LASP1: variants seen among roughly 807,000 people sequenced by gnomAD.
The protein encoded by LASP1 is LIM and SH3 domain protein 1.
Under a neutral mutation model 38.6 loss-of-function variants are expected in LASP1, and 10 were observed. The observed-to-expected ratio is 0.26, with a 90% CI of 0.16 to 0.44. LASP1 has a LOEUF of 0.44. Ranked by LOEUF, LASP1 falls within the 20% of genes least tolerant of loss-of-function variation. The pLI is 1.00. For synonymous variants in LASP1, 132 were observed against 140.8 expected, an observed-to-expected ratio of 0.94 and a Z score of 0.44; for missense variants, 243 against 375.7, an observed-to-expected ratio of 0.65 and a Z score of 2.92.
rs77493768 is a variant in LASP1 at position 38,919,902 on chromosome 17, G to A, written c.*1124G>A. ...TGTGAGTGTGAGAGATGGGGCGGGGGTGTGTCTGTAGGTGTCTCTGGGCCT... is the reference window on the plus strand; with the variant it reads ...TGTGAGTGTGAGAGATGGGGCGGGGATGTGTCTGTAGGTGTCTCTGGGCCT... On this transcript the variant is annotated 3_prime_UTR_variant, in exon 7 of 7. Transcript: ENST00000318008. 1 of 509,318 alleles carries A rather than the reference G, an allele frequency of 2.0e-6. No homozygotes were observed. The highest frequency in any genetic ancestry group is 1.9e-5 in the African/African-American group (1 of 53,526). 31.5% of individuals were successfully genotyped at this position (509,318 alleles called of 1,614,324 possible).
At chr17:38,901,023 G>A (rs559077548) in intron 4 of LASP1, among the ~76,000 whole-genome samples, 4 of 152,374 alleles carry the variant, frequency 2.6e-5, no homozygotes, top group Non-Finnish European at 5.9e-5. Flanking sequence ...ATGGTTCACA[G>A]AACTGGAATG....
intron 3 of LASP1, among the ~76,000 whole-genome samples, chr17:38,894,193 G>A (rs1409280207): frequency 6.6e-6 from 1 of 152,174 alleles, no homozygotes; most frequent in Non-Finnish European, 1.5e-5. Flanking sequence ...CCCAGGCTGA[G>A]CAGAGGCAGT....
chr17:38,905,541 A>AG, intron 4 of LASP1, among the ~76,000 whole-genome samples: 1 of 151,644 alleles, frequency 6.6e-6, no homozygotes, highest in East Asian at 1.9e-4. Flanking sequence ...AAAAAAAAAA[A>AG]AAAAAAAAAG....
intron 4 of LASP1, among the ~76,000 whole-genome samples, chr17:38,908,396 C>T (rs1015638148): frequency 6.6e-5 from 10 of 152,218 alleles, no homozygotes; most frequent in Non-Finnish European, 2.9e-5. Context: ...GTGCCCTCCC[C>T]GCCACCAACA....
intron 3 of LASP1, among the ~76,000 whole-genome samples, chr17:38,893,658 A>C: frequency 6.6e-6 from 1 of 152,078 alleles, no homozygotes; most frequent in East Asian, 1.9e-4. Context: ...CTGGCCTCAG[A>C]CTGTCTTTCC....
At chr17:38,897,774 C>T (rs545193602) in intron 3 of LASP1, among the ~76,000 whole-genome samples, 14 of 152,192 alleles carry the variant, frequency 9.2e-5, no homozygotes, top group East Asian at 1.9e-4. Flanking sequence ...CTGTCAAAGG[C>T]GCACTGATGG....
chr17:38,892,657 CT>C (rs1007866971), intron 3 of LASP1, among the ~76,000 whole-genome samples: 1 of 152,186 alleles, frequency 6.6e-6, no homozygotes, highest in Non-Finnish European at 1.5e-5. Context: ...GGCTGCAGCT[CT>C]TTTTGCCCCG....
intron 2 of LASP1, among the ~76,000 whole-genome samples, chr17:38,880,033 G>T (rs778116609): frequency 6.6e-6 from 1 of 152,088 alleles, no homozygotes; most frequent in Non-Finnish European, 1.5e-5. Context: ...CCCCACAAGG[G>T]AAATGGGACA....
intron 1 of LASP1, among the ~76,000 whole-genome samples, chr17:38,875,056 C>CGTGTGTGTGTGTGTGTGTGTGTGTGTGT (rs3220064): frequency 9.3e-5 from 13 of 140,356 alleles, no homozygotes; most frequent in African/African-American, 3.3e-4. Flanking sequence ...TGTAGCCCTT[C>CGTGTGTGTGTGTGTGTGTGTGTGTGTGT]GTGTGTGTGT....
At chr17:38,870,298 G>T in intron 1 of LASP1, 40 bp downstream of exon 1, 6 of 1,603,204 alleles carry the variant, frequency 3.7e-6, no homozygotes, top group Non-Finnish European at 5.1e-6. Flanking sequence ...GCAATCCCCC[G>T]CAGTGCTCCG....
Position 38,918,700 on chromosome 17 carries a change from C to T in LASP1, c.708C>T (p.Asp236=), listed in dbSNP as rs777159165. 36 of 1,614,010 alleles carry T rather than the reference C, an allele frequency of 2.2e-5. 1 individual carries two copies. Among genetic ancestry groups the T allele is most frequent in the Non-Finnish European group, 2.9e-5 (34 of 1,180,000 alleles). Residue 236 remains aspartate, a synonymous_variant, in exon 7 of 7, where the codon GAC becomes GAT. Transcript: ENST00000318008. This position sits in a 1 kb window ranked among gnomAD's most constrained non-coding sequence, Gnocchi z 4.4. ...CCATCGTCAACGTGCAGCAGATCGA[C>T]GACGGCTGGATGTACGGGACGGTGG... is the stretch of plus-strand genomic sequence containing the variant. ...GDTIVNVQQI[D]DGWMYGTVER...
chr17:38,897,990 T>A (rs1914535370), intron 3 of LASP1, among the ~76,000 whole-genome samples: 1 of 152,014 alleles, frequency 6.6e-6, no homozygotes. Context: ...GGGCAGGGAG[T>A]GAAGGGTCAA....
chr17:38,883,861 T>C lies in LASP1; in HGVS notation c.164+5681T>C, dbSNP rs1033391739. 5.9e-5 allele frequency among the ~76,000 whole-genome samples: 9 copies of C among 151,870 alleles called. No individual in the cohort carries two copies. The South Asian group carries it at 1.0e-3, about 18-fold the overall frequency. ...TTTCCTCTGATTGAACAATGCCTCCTTGTTGCTTCCTATCGCCACCACTTC... is the reference window on the plus strand; with the variant it reads ...TTTCCTCTGATTGAACAATGCCTCCCTGTTGCTTCCTATCGCCACCACTTC... On this transcript the variant is annotated intron_variant, in intron 2 of 6. Coordinates refer to ENST00000318008, the MANE Select transcript of LASP1 (RefSeq NM_006148.4).
intron 5 of LASP1, 42 bp from the exon 6 acceptor site, chr17:38,915,001 T>G (rs1314424676): frequency 6.3e-7 from 1 of 1,596,180 alleles, no homozygotes; most frequent in Admixed American, 1.7e-5. Context: ...GGGCTGGGTT[T>G]GGCAGGACAG....
At chr17:38,912,017 C>T (rs991322310) in intron 4 of LASP1, among the ~76,000 whole-genome samples, 4 of 152,236 alleles carry the variant, frequency 2.6e-5, no homozygotes, top group African/African-American at 9.6e-5. Flanking sequence ...TGGTCTCGAA[C>T]TCCTGACCTC....
intron 4 of LASP1, among the ~76,000 whole-genome samples, chr17:38,901,551 A>C (rs1914641520): frequency 6.6e-6 from 1 of 152,164 alleles, no homozygotes; most frequent in African/African-American, 2.4e-5. Flanking sequence ...GGGTTGACTG[A>C]AAATGCAGAC....
At chr17:38,895,148 A>G (rs1914448953) in intron 3 of LASP1, among the ~76,000 whole-genome samples, 1 of 151,704 alleles carries the variant, frequency 6.6e-6, no homozygotes, top group Non-Finnish European at 1.5e-5. Flanking sequence ...TCGCTCAATA[A>G]ATTTTGTATT....
At chr17:38,872,590 G>C (rs1055739656) in intron 1 of LASP1, among the ~76,000 whole-genome samples, 9 of 152,210 alleles carry the variant, frequency 5.9e-5, no homozygotes, top group African/African-American at 2.2e-4. Flanking sequence ...TGGGGAGCCA[G>C]TGCCTGGAGG....
At position 38,878,081 on chromosome 17, in the gene LASP1, C is replaced by A; in HGVS notation, c.70-5C>A. 6.2e-7 allele frequency: 1 copy of A among 1,609,896 alleles called. No homozygotes were observed. The highest frequency in any genetic ancestry group is 8.5e-7 in the Non-Finnish European group (1 of 1,176,210). On this transcript the variant is annotated splice_region_variant and splice_polypyrimidine_tract_variant and intron_variant, in intron 1 of 6. Coordinates refer to ENST00000318008, the MANE Select transcript of LASP1 (RefSeq NM_006148.4). Reference sequence around the variant, plus strand: ...TGATGTATGTCCTCCTGTCTCCATCCCCAGTTCTGGCATAAAGCATGCTTC... The same window carrying A: ...TGATGTATGTCCTCCTGTCTCCATCACCAGTTCTGGCATAAAGCATGCTTC...
Sources: gnomAD v4.1 joint callset for allele counts (sites outside exome capture counted in the v4.1 genomes callset) on GRCh38, gnomAD v4.1.1 for gene constraint, Gnocchi (gnomAD v3.1) non-coding constraint, MANE v1.5 for transcripts, NCBI Gene and HGNC (gene_info 2026-07-23, HGNC 2026-07-21) for gene names.